Variants in PXDN observed in about 807,000 individuals in gnomAD.
PXDN encodes peroxidasin.
Under a neutral mutation model 140.3 loss-of-function variants are expected in PXDN, and 77 were observed. The ratio of observed to expected loss-of-function variants is 0.55; its 90% CI spans 0.46 to 0.66. The LOEUF is 0.66. PXDN is among the 30% of genes least tolerant of loss of function. The pLI, the probability that PXDN is intolerant of heterozygous loss-of-function variation, is 0.00. For missense variants in PXDN, 1,838 were observed against 2,039.5 expected, an observed-to-expected ratio of 0.90 and a Z score of 1.90; for synonymous variants, 911 against 857.4, an observed-to-expected ratio of 1.06 and a Z score of -1.09.
At chr2:1,675,300 G>A (rs1463420382) in intron 8 of PXDN, among the ~76,000 whole-genome samples, 3 of 152,166 alleles carry the variant, frequency 2.0e-5, no homozygotes, top group Non-Finnish European at 4.4e-5. Context: ...CCAGGCCTCA[G>A]GGCTTTGGCT....
Position 1,707,568 on chromosome 2 carries a change from C to G in PXDN, c.201-14434G>C, listed in dbSNP as rs1191263146. On this transcript the variant is annotated intron_variant, in intron 1 of 22. Coordinates refer to ENST00000252804, the MANE Select transcript of PXDN (RefSeq NM_012293.3). ...TAAATAATCAACCCACACTTTTCAC[C>G]CAAATTTTTGGAAGCACGAGGTTGC... Among the ~76,000 whole-genome samples the G allele has an allele frequency of 2.0e-5, 3 of 152,146 alleles. 1 individual carries two copies. The East Asian group carries it at 5.8e-4, about 29-fold the overall frequency.
In PXDN at chr2:1,743,810, CG is replaced by C. The variant is rs1319148295; in HGVS notation, c.200+445del. Among the ~76,000 whole-genome samples the C allele has an allele frequency of 3.5e-5, 3 of 85,914 alleles. No homozygotes were observed. In the Admixed American group the frequency reaches 4.2e-4, roughly 12 times the overall value. 56.4% of individuals were successfully genotyped at this position (85,914 alleles called of 152,430 possible). ...AGGACGGAGGGGGCTGCGCCGCGCTCGGGGAGCGGAGGGGGACCGAGGGGTC... is the reference window on the plus strand; with the variant it reads ...AGGACGGAGGGGGCTGCGCCGCGCTCGGGAGCGGAGGGGGACCGAGGGGTC... On this transcript the variant is annotated intron_variant, in intron 1 of 22. Transcript: ENST00000252804.
At position 1,649,029 on chromosome 2, in the gene PXDN, C is replaced by G. The variant is rs1682935841; in HGVS notation, c.2751G>C (p.Gly917=). ...TSYIDASNVY[G]STEHEARSIR... is the part of the protein sequence containing the mutation. ...TGCTGCGGGCCTCATGCTCCGTGCT[C>G]CCGTACACGTTGGATGCGTCTATGT... The change falls in exon 17 of 23, where the codon GGG becomes GGC. Residue 917 remains glycine, a synonymous_variant. Transcript: ENST00000252804. This position sits in a 1 kb window ranked among gnomAD's most constrained non-coding sequence, Gnocchi z 7.1. The G allele has an allele frequency of 6.2e-7, 1 of 1,612,608 alleles. No individual in the cohort carries two copies. Among genetic ancestry groups the G allele is most frequent in the Non-Finnish European group, 8.5e-7 (1 of 1,179,736 alleles).
intron 22 of PXDN, 40 bp downstream of exon 22, chr2:1,635,368 G>A (rs747312840): frequency 4.0e-6 from 6 of 1,517,750 alleles, no homozygotes; most frequent in East Asian, 2.4e-5. Context: ...TCGGACTTGC[G>A]TATACCTTAG....
At chr2:1,693,339 C>G (rs1684225673) in intron 1 of PXDN, among the ~76,000 whole-genome samples, 1 of 152,224 alleles carries the variant, frequency 6.6e-6, no homozygotes, top group African/African-American at 2.4e-5. Flanking sequence ...TAACCCATTA[C>G]AGAATTTCTA....
At position 1,668,599 on chromosome 2, in the gene PXDN, T is replaced by A. The variant is rs565024158; in HGVS notation, c.1019-2113A>T. ...AGAATCTACAAGGAACTTAAACAAATTTACAAAAAAAAAAAACAACCCCAT... is the reference window on the plus strand; with the variant it reads ...AGAATCTACAAGGAACTTAAACAAAATTACAAAAAAAAAAAACAACCCCAT... On this transcript the variant is annotated intron_variant, in intron 9 of 22. Transcript: ENST00000252804. Among the ~76,000 whole-genome samples the A allele has an allele frequency of 2.7e-3, 332 of 122,360 alleles. 5 individuals are homozygous for A. The highest frequency in any genetic ancestry group is 9.6e-3 in the African/African-American group (314 of 32,700). 80.3% of individuals were successfully genotyped at this position (122,360 alleles called of 152,430 possible). A position where few individuals can be genotyped will look rare whatever the true frequency, so the allele number is the denominator to read the frequency against.
chr2:1,651,100 C>T lies in PXDN; in HGVS notation c.2105-1425G>A, dbSNP rs2125413317. On this transcript the variant is annotated intron_variant, in intron 16 of 22. Transcript: ENST00000252804. This position sits in a 1 kb window ranked among gnomAD's most constrained non-coding sequence, Gnocchi z 4.4. ...CCTGGTTCTGTTCTGTCTGACTTTT[C>T]CCAGAGGCTGAAACAGTGAGCTGAA... 6.6e-6 allele frequency among the ~76,000 whole-genome samples: 1 copy of T among 152,206 alleles called. No individual in the cohort carries two copies. The highest frequency in any genetic ancestry group is 1.9e-4 in the East Asian group (1 of 5,156).
At chr2:1,671,667 A>G (rs1270450996) in intron 9 of PXDN, among the ~76,000 whole-genome samples, 1 of 152,244 alleles carries the variant, frequency 6.6e-6, no homozygotes, top group African/African-American at 2.4e-5. Flanking sequence ...ACAGAGCTTC[A>G]GGATACTGGG....
chr2:1,650,597 T>C (rs1226679910), intron 16 of PXDN, among the ~76,000 whole-genome samples: 1 of 152,152 alleles, frequency 6.6e-6, no homozygotes, highest in African/African-American at 2.4e-5. Context: ...TTCGCCAAAG[T>C]GCTTCCTCCA....
At chr2:1,664,900 G>A in intron 11 of PXDN, 58 bp downstream of exon 11, 3 of 1,398,142 alleles carry the variant, frequency 2.1e-6, no homozygotes, top group Non-Finnish European at 3.0e-6. Context: ...GTGGAAATGT[G>A]TGCTTCCTGC....
chr2:1,671,459 T>C (rs980307885), intron 9 of PXDN, among the ~76,000 whole-genome samples: 2 of 151,940 alleles, frequency 1.3e-5, no homozygotes, highest in African/African-American at 2.4e-5. Flanking sequence ...ATCTCAAATA[T>C]ATGCACATGG....
chr2:1,722,791 C>T (rs1685084524), intron 1 of PXDN, among the ~76,000 whole-genome samples: 3 of 152,222 alleles, frequency 2.0e-5, no homozygotes. Flanking sequence ...GGCTGTGGCT[C>T]CAGGGGCACA....
intron 11 of PXDN, 178 bp from the exon 12 acceptor site, chr2:1,663,941 A>ACGT (rs1454655503): frequency 1.5e-6 from 1 of 661,604 alleles, no homozygotes; most frequent in African/African-American, 1.8e-5. Context: ...TGACACCTGA[A>ACGT]CGTCCCTGCA....
At chr2:1,654,278 T>C (rs1030489381) in intron 15 of PXDN, 122 bp downstream of exon 15, 14 of 656,544 alleles carry the variant, frequency 2.1e-5, no homozygotes, top group Non-Finnish European at 3.3e-5. Context: ...ATTAAACATT[T>C]TGATCATCAG....
chr2:1,666,009 A>T (rs1284232365), intron 10 of PXDN, among the ~76,000 whole-genome samples: 1 of 152,248 alleles, frequency 6.6e-6, no homozygotes, highest in Admixed American at 6.5e-5. Flanking sequence ...CACAGAGCCC[A>T]TACTACAGAG....
At chr2:1,699,730 C>A (rs1684377963) in intron 1 of PXDN, among the ~76,000 whole-genome samples, 1 of 152,084 alleles carries the variant, frequency 6.6e-6, no homozygotes, top group Admixed American at 6.5e-5. Flanking sequence ...AACAAACAAA[C>A]AAACAAAAAT....
chr2:1,632,919 G>A lies in PXDN; in HGVS notation c.*1285C>T, dbSNP rs1220263103. On this transcript the variant is annotated 3_prime_UTR_variant, in exon 23 of 23. Transcript: ENST00000252804. This position sits in a 1 kb window ranked among gnomAD's most constrained non-coding sequence, Gnocchi z 4.3. ...GCACATGGTGGATACTCAGGTCAGC[G>A]TGCTGCACTGAAGCTGTGTGTTCGG... The A allele has an allele frequency of 4.6e-5, 7 of 152,728 alleles. No individual in the cohort carries two copies. Among genetic ancestry groups the A allele is most frequent in the East Asian group, 1.9e-4 (1 of 5,164 alleles). The allele number at this position is 152,728 out of a possible 1,614,324, so 9.5% of individuals were successfully genotyped here. A position where few individuals can be genotyped will look rare whatever the true frequency, so the allele number is the denominator to read the frequency against.
intron 8 of PXDN, among the ~76,000 whole-genome samples, chr2:1,675,809 CAATGACTCAGTTTGA>C (rs879592020): frequency 0.17 from 23,783 of 143,068 alleles, 2,326 homozygotes; most frequent in African/African-American, 0.33. Flanking sequence ...GAGTATCAAA[CAATGACTCAGTTTGA>C]GCCCGAGTAT....
chr2:1,742,811 C>T (rs1685576803), intron 1 of PXDN, among the ~76,000 whole-genome samples: 1 of 152,174 alleles, frequency 6.6e-6, no homozygotes, highest in Non-Finnish European at 1.5e-5. Flanking sequence ...GAGAGGAACT[C>T]GGGCCCCCGC....
Sources: gnomAD v4.1 joint callset for allele counts (sites outside exome capture counted in the v4.1 genomes callset) on GRCh38, gnomAD v4.1.1 for gene constraint, Gnocchi (gnomAD v3.1) non-coding constraint, MANE v1.5 for transcripts, NCBI Gene and HGNC (gene_info 2026-07-23, HGNC 2026-07-21) for gene names.